Variants in JAK1 observed in about 807,000 individuals in gnomAD.
The protein encoded by JAK1 is Janus kinase 1.
Under a neutral mutation model 136.6 loss-of-function variants are expected in JAK1, and 16 were observed. The observed-to-expected ratio is 0.12, with a 90% CI of 0.08 to 0.18. The LOEUF is 0.18. Ranked by LOEUF, JAK1 falls within the 10% of genes least tolerant of loss-of-function variation. The pLI is 1.00. For missense variants in JAK1, 859 were observed against 1,450.1 expected, an observed-to-expected ratio of 0.59 and a Z score of 6.62; for synonymous variants, 492 against 519.5, an observed-to-expected ratio of 0.95 and a Z score of 0.72.
At chr1:64,936,019 C>T (rs924099756) in intron 1 of JAK1, among the ~76,000 whole-genome samples, 6 of 152,186 alleles carry the variant, frequency 3.9e-5, no homozygotes, top group Non-Finnish European at 7.3e-5. Flanking sequence ...TCACAAAGCT[C>T]CCATGGGGCC....
At chr1:65,035,427 T>C (rs1477608243) in intron 2 of JAK1, among the ~76,000 whole-genome samples, 2 of 152,194 alleles carry the variant, frequency 1.3e-5, no homozygotes, top group African/African-American at 2.4e-5. Flanking sequence ...CCGTGAGATG[T>C]CATGGAAAAG....
intron 11 of JAK1, among the ~76,000 whole-genome samples, chr1:64,852,230 A>G: frequency 6.6e-6 from 1 of 152,238 alleles, no homozygotes; most frequent in Non-Finnish European, 1.5e-5. Flanking sequence ...TCCCCATTTT[A>G]TAGATGAGAA....
intron 5 of JAK1, among the ~76,000 whole-genome samples, chr1:64,870,482 A>C (rs1322356210): frequency 6.6e-6 from 1 of 152,148 alleles, no homozygotes; most frequent in Non-Finnish European, 1.5e-5. Flanking sequence ...CCCCAAGTCA[A>C]GTAGAAGAAT....
At position 64,925,271 on chromosome 1, in the gene JAK1, G is replaced by A. The variant is rs367686868; in HGVS notation, c.-77-38930C>T. Among the ~76,000 whole-genome samples, 30 of 152,016 alleles carry A rather than the reference G, an allele frequency of 2.0e-4. 5 individuals are homozygous for A. Among genetic ancestry groups the A allele is most frequent in the Admixed American group, 3.3e-4 (5 of 15,276 alleles). ...AAAATACAAAAAGTTAGCAGGGTGT[G>A]GTGGCGCACACCTGTAATGCCAGCT... is the stretch of plus-strand genomic sequence containing the variant. On this transcript the variant is annotated intron_variant, in intron 1 of 24. Coordinates refer to ENST00000342505, the MANE Select transcript of JAK1 (RefSeq NM_002227.4).
At chr1:64,836,721 A>G (rs1654501562) in intron 22 of JAK1, among the ~76,000 whole-genome samples, 1 of 151,822 alleles carries the variant, frequency 6.6e-6, no homozygotes, top group South Asian at 2.1e-4. Flanking sequence ...CTCAAACCCT[A>G]CTGTCACTCT....
intron 1 of JAK1, among the ~76,000 whole-genome samples, chr1:64,903,751 C>T (rs1490226060): frequency 1.3e-5 from 2 of 152,184 alleles, no homozygotes; most frequent in African/African-American, 4.8e-5. Context: ...GTGGCTGCTG[C>T]AGTGACTATT....
At chr1:64,865,724 G>C (rs182281939) in intron 7 of JAK1, among the ~76,000 whole-genome samples, 16 of 152,240 alleles carry the variant, frequency 1.1e-4, no homozygotes, top group Non-Finnish European at 1.9e-4. Flanking sequence ...TTTAGCATGA[G>C]AATAAAACAG....
intron 1 of JAK1, among the ~76,000 whole-genome samples, chr1:64,951,651 T>C (rs1003730778): frequency 1.4e-4 from 1 of 7,364 alleles, no homozygotes; most frequent in Non-Finnish European, 1.3e-3. Context: ...AGTTCTGCCT[T>C]TTTTTTTTTT....
At chr1:64,867,277 T>C (rs186602087) in intron 6 of JAK1, 69 bp from the exon 7 acceptor site, 80 of 1,185,418 alleles carry the variant, frequency 6.7e-5, no homozygotes, top group Admixed American at 2.3e-4. Context: ...TAGAAACAAA[T>C]CTAAGTCCAT....
At chr1:64,876,600 A>G (rs1293807350) in intron 4 of JAK1, 1 of 152,186 alleles carries the variant, frequency 6.6e-6, no homozygotes, top group Non-Finnish European at 1.5e-5. Context: ...CCTATCACCC[A>G]TAAGACCAAG....
chr1:64,964,671 G>A (rs1211361120), intron 1 of JAK1, among the ~76,000 whole-genome samples: 1 of 152,106 alleles, frequency 6.6e-6, no homozygotes, highest in African/African-American at 2.4e-5. Context: ...AAAAAACATA[G>A]TTTTGTATCT....
At chr1:64,989,372 A>C (rs575228567) in intron 2 of JAK1, 3 of 145,520 alleles carry the variant, frequency 2.1e-5, no homozygotes, top group East Asian at 4.0e-4. Context: ...AATAAATAAA[A>C]TAAACTCAAA....
chr1:64,934,134 A>G (rs1645745953), intron 1 of JAK1, among the ~76,000 whole-genome samples: 2 of 69,442 alleles, frequency 2.9e-5, no homozygotes, highest in Non-Finnish European at 1.2e-4. Flanking sequence ...AAACATGGAG[A>G]GATGTAAAGG....
intron 1 of JAK1, chr1:64,918,410 C>T (rs1645436373): frequency 6.6e-6 from 1 of 152,272 alleles, no homozygotes. Context: ...AGCTAGTTCT[C>T]TCCTTTTAAA....
At chr1:65,032,761 C>A (rs747492407) in intron 2 of JAK1, among the ~76,000 whole-genome samples, 2 of 152,106 alleles carry the variant, frequency 1.3e-5, no homozygotes, top group African/African-American at 4.8e-5. Context: ...TTTAAATTAC[C>A]TTTGCTACTG....
intron 2 of JAK1, among the ~76,000 whole-genome samples, chr1:65,000,234 G>T (rs531684707): frequency 6.6e-6 from 1 of 152,102 alleles, no homozygotes; most frequent in East Asian, 1.9e-4. Flanking sequence ...TGATCCGCCC[G>T]CCTTGGCCAT....
At chr1:64,932,495 C>T (rs999924408) in intron 1 of JAK1, among the ~76,000 whole-genome samples, 9 of 152,256 alleles carry the variant, frequency 5.9e-5, no homozygotes, top group African/African-American at 1.9e-4. Context: ...TAATAAGTGT[C>T]GAGGTTGGGT....
In JAK1 at chr1:64,833,806, G is replaced by A. The variant is rs532015306; in HGVS notation, c.*756C>T. 3 of 232,810 alleles carry A rather than the reference G, an allele frequency of 1.3e-5. No individual in the cohort carries two copies. The highest frequency in any genetic ancestry group is 2.5e-5 in the Non-Finnish European group (3 of 117,834). The allele number at this position is 232,810 out of a possible 1,614,324, so 14.4% of individuals were successfully genotyped here. ...CATGTGTAATAGCATCCAGGTTCTG[G>A]GAATGAGTTCTGATTAAAGGTATAC... On this transcript the variant is annotated 3_prime_UTR_variant, in exon 25 of 25. Transcript: ENST00000342505.
intron 1 of JAK1, among the ~76,000 whole-genome samples, chr1:64,929,075 G>A (rs1026838028): frequency 6.6e-6 from 1 of 152,194 alleles, no homozygotes; most frequent in African/African-American, 2.4e-5. Flanking sequence ...CTTGTCTGGT[G>A]CCTTAAAACT....
Sources: allele counts gnomAD v4.1 joint callset (sites outside exome capture counted in the v4.1 genomes callset), GRCh38; gene constraint gnomAD v4.1.1; transcripts MANE v1.5; gene names NCBI Gene and HGNC (gene_info 2026-07-23, HGNC 2026-07-21).